SSH3: variants seen among roughly 807,000 people sequenced by gnomAD.
SSH3 encodes slingshot protein phosphatase 3.
SSH3 carries 67 observed loss-of-function variants against 75.0 expected under a neutral mutation model. The observed-to-expected ratio is 0.89, with a 90% CI of 0.73 to 1.10. SSH3 has a LOEUF of 1.10. Among genes scored for constraint, SSH3 ranks in the 50% least tolerant of loss-of-function variants. The probability of loss-of-function intolerance (pLI) is 0.00; values close to 1 mark genes in which losing one functional copy is unlikely to be tolerated. For synonymous variants in SSH3, 318 were observed against 349.2 expected, an observed-to-expected ratio of 0.91 and a Z score of 1.00; for missense variants, 824 against 872.7, an observed-to-expected ratio of 0.94 and a Z score of 0.70.
Position 67,311,940 on chromosome 11 carries a change from T to A in SSH3, c.*53T>A. The A allele has an allele frequency of 6.3e-7, 1 of 1,591,270 alleles. No homozygotes were observed. The highest frequency in any genetic ancestry group is 8.5e-7 in the Non-Finnish European group (1 of 1,173,228). On this transcript the variant is annotated 3_prime_UTR_variant, in exon 14 of 14. Transcript: ENST00000308127. ...ACACTGAAGAGGATCCACAACTCCT[T>A]GGAGAAACACCCTCACGTCTGTTGC...
intron 3 of SSH3, among the ~76,000 whole-genome samples, chr11:67,306,105 C>A (rs1042889314): frequency 6.6e-6 from 1 of 151,452 alleles, no homozygotes; most frequent in African/African-American, 2.4e-5. Context: ...CTGGCTAACA[C>A]GGTGAAACCC....
Position 67,311,914 on chromosome 11 carries a change from G to T in SSH3, c.*27G>T. On this transcript the variant is annotated 3_prime_UTR_variant, in exon 14 of 14. Transcript: ENST00000308127. Reference sequence around the variant, plus strand: ...CCCTCACACATGCCCACGCTCCCCTGACACTGAAGAGGATCCACAACTCCT... The same window carrying T: ...CCCTCACACATGCCCACGCTCCCCTTACACTGAAGAGGATCCACAACTCCT... 6.3e-7 allele frequency: 1 copy of T among 1,599,442 alleles called. No homozygotes were observed. The highest frequency in any genetic ancestry group is 1.1e-5 in the South Asian group (1 of 90,066).
At position 67,309,827 on chromosome 11, in the gene SSH3, C is replaced by T. The variant is rs775557604; in HGVS notation, c.1268C>T (p.Thr423Ile). 33 of 1,613,330 alleles carry T rather than the reference C, an allele frequency of 2.0e-5. No homozygotes were observed. Among genetic ancestry groups the T allele is most frequent in the African/African-American group, 8.0e-5 (6 of 74,964 alleles). Residue 423 changes from threonine (T) to isoleucine (I), a missense_variant, in exon 12 of 14, where the codon ACA becomes ATA. Coordinates refer to ENST00000308127, the MANE Select transcript of SSH3 (RefSeq NM_017857.4). ...ATGGGCGTCAGCCGCTCAGCGGCCA[C>T]AGTGCTGGCCTATGCCATGAAGCAG... Reference protein sequence around the residue: ...CKMGVSRSAATVLAYAMKQYE... With the variant: ...CKMGVSRSAAIVLAYAMKQYE...
Position 67,303,613 on chromosome 11 carries a change from G to C in SSH3, c.-13G>C. ...GTGCCCGGTGCCAGCCCAGGTGCTCGCGGCCTGGCTCCATGGCCCTGGTCA... is the reference window on the plus strand; with the variant it reads ...GTGCCCGGTGCCAGCCCAGGTGCTCCCGGCCTGGCTCCATGGCCCTGGTCA... On this transcript the variant is annotated 5_prime_UTR_variant, in exon 1 of 14. Transcript: ENST00000308127. 1 of 1,518,312 alleles carries C rather than the reference G, an allele frequency of 6.6e-7. No individual in the cohort carries two copies. The highest frequency in any genetic ancestry group is 2.0e-5 in the Admixed American group (1 of 50,076). 94.1% of individuals were successfully genotyped at this position (1,518,312 alleles called of 1,614,324 possible). A position where few individuals can be genotyped will look rare whatever the true frequency, so the allele number is the denominator to read the frequency against.
intron 10 of SSH3, 88 bp from the exon 11 acceptor site, chr11:67,309,309 A>T (rs1183884782): frequency 6.5e-7 from 1 of 1,550,380 alleles, no homozygotes; most frequent in African/African-American, 1.4e-5. Flanking sequence ...CTCAGAGCTA[A>T]AGCGAGGCCC....
At chr11:67,305,374 G>C (rs531571759) in intron 3 of SSH3, among the ~76,000 whole-genome samples, 1 of 152,202 alleles carries the variant, frequency 6.6e-6, no homozygotes, top group Admixed American at 6.5e-5. Flanking sequence ...ATTTTTAGTA[G>C]AGATGCGGTT....
rs775695931 is a variant in SSH3 at position 67,303,612 on chromosome 11, C to T, written c.-14C>T. 3 of 1,518,328 alleles carry T rather than the reference C, an allele frequency of 2.0e-6. No individual in the cohort carries two copies. Among genetic ancestry groups the T allele is most frequent in the South Asian group, 1.2e-5 (1 of 82,704 alleles). 94.1% of individuals were successfully genotyped at this position (1,518,328 alleles called of 1,614,324 possible). On this transcript the variant is annotated 5_prime_UTR_variant, in exon 1 of 14. Coordinates refer to ENST00000308127, the MANE Select transcript of SSH3 (RefSeq NM_017857.4). Reference sequence around the variant, plus strand: ...CGTGCCCGGTGCCAGCCCAGGTGCTCGCGGCCTGGCTCCATGGCCCTGGTC... The same window carrying T: ...CGTGCCCGGTGCCAGCCCAGGTGCTTGCGGCCTGGCTCCATGGCCCTGGTC...
At position 67,303,542 on chromosome 11, in the gene SSH3, T is replaced by G. The variant is rs548601313; in HGVS notation, c.-84T>G. On this transcript the variant is annotated 5_prime_UTR_variant, in exon 1 of 14. Transcript: ENST00000308127. ...CCCGGGTGGCGCCGTCCGTCCTTCC[T>G]GGTCCTGCGGGTCCAGGACTGTCCG... is the stretch of plus-strand genomic sequence containing the variant. 3.8e-5 allele frequency: 53 copies of G among 1,385,030 alleles called. No individual in the cohort carries two copies. Among genetic ancestry groups the G allele is most frequent in the Non-Finnish European group, 5.1e-5 (53 of 1,034,298 alleles). The allele number at this position is 1,385,030 out of a possible 1,614,324, so 85.8% of individuals were successfully genotyped here. A position where few individuals can be genotyped will look rare whatever the true frequency, so the allele number is the denominator to read the frequency against.
chr11:67,308,270 C>G lies in SSH3; in HGVS notation c.982C>G (p.Arg328Gly). 6.2e-7 allele frequency: 1 copy of G among 1,614,086 alleles called. No individual in the cohort carries two copies. Among genetic ancestry groups the G allele is most frequent in the Non-Finnish European group, 8.5e-7 (1 of 1,180,034 alleles). The change falls in exon 9 of 14, where the codon CGA (arginine) becomes GGA (glycine). Residue 328 changes from arginine to glycine, a missense_variant. By Grantham distance (125) the Arg-to-Gly change is moderately radical. Coordinates refer to ENST00000308127, the MANE Select transcript of SSH3 (RefSeq NM_017857.4). The surrounding 1 kb of genome is among the most constrained non-coding windows in gnomAD (Gnocchi z 4.9). The part of the protein sequence containing the change: ...QMLLLVAQRD[R>G]ASRIFPHLYL... ...GCTGCTGCTGGTGGCACAGCGGGAC[C>G]GAGCCTCCCGCATCTTCCCCCACCT... is the stretch of plus-strand genomic sequence containing the variant.
rs574786853 is a variant in SSH3 at position 67,303,796 on chromosome 11, G to T, written c.66+105G>T. ...CTCTCGAACGGGGACATGAGGAGGG[G>T]GCCCCGGGGCTCGGGCTGGAGGGCG... is the stretch of plus-strand genomic sequence containing the variant. On this transcript the variant is annotated intron_variant, in intron 1 of 13. Transcript: ENST00000308127. 4.4e-3 allele frequency: 5,392 copies of T among 1,233,360 alleles called. 20 individuals are homozygous for T. The highest frequency in any genetic ancestry group is 5.3e-3 in the Non-Finnish European group (5,017 of 939,314). The allele number at this position is 1,233,360 out of a possible 1,614,324, so 76.4% of individuals were successfully genotyped here. A position where few individuals can be genotyped will look rare whatever the true frequency, so the allele number is the denominator to read the frequency against.
chr11:67,311,440 GC>G, intron 13 of SSH3, 150 bp from the exon 14 acceptor site: 2 of 991,826 alleles, frequency 2.0e-6, no homozygotes, highest in Non-Finnish European at 3.0e-6. Context: ...GGACAGCTTG[GC>G]TTTTGGCGTG....
chr11:67,309,189 G>C, intron 10 of SSH3: 1 of 607,314 alleles, frequency 1.6e-6, no homozygotes, highest in Non-Finnish European at 2.9e-6. Flanking sequence ...GTCTGGACCA[G>C]ATGGGGAAAC....
chr11:67,311,615 C>G lies in SSH3; in HGVS notation c.1708C>G (p.His570Asp). Residue 570 changes from histidine (H) to aspartate (D), a missense_variant, in exon 14 of 14, where the codon CAT (histidine) becomes GAT (aspartate). Transcript: ENST00000308127. ...GGTCTTCTCTTCCCACGAGTCTTCACATGAAGAGCCTCTGCAGCCCTTCCC... is the reference window on the plus strand; with the variant it reads ...GGTCTTCTCTTCCCACGAGTCTTCAGATGAAGAGCCTCTGCAGCCCTTCCC... The part of the protein sequence containing the change: ...PEVFSSHESS[H>D]EEPLQPFPQL... 1 of 1,614,100 alleles carries G rather than the reference C, an allele frequency of 6.2e-7. No homozygotes were observed.
At chr11:67,311,381 G>C (rs1000876377) in intron 13 of SSH3, among the ~76,000 whole-genome samples, 2 of 152,178 alleles carry the variant, frequency 1.3e-5, no homozygotes, top group African/African-American at 4.8e-5. Context: ...TCAAGGAGCG[G>C]GGCAGCAGGG....
rs1363798310 is a variant in SSH3, at chr11:67,307,857, A to G, written c.803A>G (p.Gln268Arg). The change falls in exon 8 of 14, where the codon CAG becomes CGG. Residue 268 changes from glutamine (Q) to arginine (R), a missense_variant. Physicochemically the swap from Gln to Arg is conservative, Grantham distance 43. Coordinates refer to ENST00000308127, the MANE Select transcript of SSH3 (RefSeq NM_017857.4). The surrounding 1 kb of genome is among the most constrained non-coding windows in gnomAD (Gnocchi z 4.2). ...GGCTCTGCTCCCAGGTCCTCAGAAC[A>G]GGAGCAGATGGAGCAGGCGATCCGT... ...PSAEPGGSSE[Q>R]EQMEQAIRAE... The G allele has an allele frequency of 6.2e-7, 1 of 1,614,116 alleles. No homozygotes were observed. Among genetic ancestry groups the G allele is most frequent in the African/African-American group, 1.3e-5 (1 of 74,944 alleles).
intron 13 of SSH3, among the ~76,000 whole-genome samples, chr11:67,311,210 C>T (rs1375271048): frequency 1.3e-5 from 2 of 152,186 alleles, no homozygotes; most frequent in African/African-American, 4.8e-5. Context: ...ACGCATCCAC[C>T]CAGCCCAGCT....
intron 10 of SSH3, 140 bp from the exon 11 acceptor site, chr11:67,309,257 C>A: frequency 9.3e-7 from 1 of 1,078,440 alleles, no homozygotes. Flanking sequence ...AGCTGGGTCA[C>A]TTCTCCTCCC....
Position 67,303,590 on chromosome 11 carries a change from G to A in SSH3, c.-36G>A. ...CCGCGGGGTTGAGGGAAGGGGCCGT[G>A]CCCGGTGCCAGCCCAGGTGCTCGCG... On this transcript the variant is annotated 5_prime_UTR_variant, in exon 1 of 14. Transcript: ENST00000308127. 1 of 1,515,566 alleles carries A rather than the reference G, an allele frequency of 6.6e-7. No individual in the cohort carries two copies. Among genetic ancestry groups the A allele is most frequent in the Non-Finnish European group, 8.8e-7 (1 of 1,137,504 alleles). The allele number at this position is 1,515,566 out of a possible 1,614,324, so 93.9% of individuals were successfully genotyped here.
rs752943647 is a variant in SSH3, at chr11:67,310,184, G to C, written c.1528G>C (p.Glu510Gln). The C allele has an allele frequency of 1.9e-6, 3 of 1,614,126 alleles. No individual in the cohort carries two copies. The African/African-American group carries it at 4.0e-5, about 22-fold the overall frequency. ...LPPEPEGGGE[E>Q]KVVGMEESQA... ...GCCAGAACCTGAGGGTGGTGGGGAG[G>C]AGAAGGTTGTAGGCATGGAAGAGAG... Residue 510 changes from glutamate to glutamine, a missense_variant, in exon 13 of 14, where the codon GAG becomes CAG. Physicochemically the swap from Glu to Gln is conservative, Grantham distance 29 (BLOSUM62 2). Coordinates refer to ENST00000308127, the MANE Select transcript of SSH3 (RefSeq NM_017857.4).
Sources: gnomAD v4.1 joint callset for allele counts (sites outside exome capture counted in the v4.1 genomes callset) on GRCh38, gnomAD v4.1.1 for gene constraint, Gnocchi (gnomAD v3.1) non-coding constraint, MANE v1.5 for transcripts, NCBI Gene and HGNC (gene_info 2026-07-23, HGNC 2026-07-21) for gene names.